The following CPNE4 variants were observed in gnomAD, a reference collection of about 807,000 sequenced individuals.
CPNE4 encodes the protein copine-4.
A neutral mutation model predicts 67.9 loss-of-function variants in CPNE4; 25 were observed. The observed-to-expected ratio is 0.37, with a 90% CI of 0.27 to 0.51. The LOEUF is 0.51. Ranked by LOEUF, CPNE4 falls within the 20% of genes least tolerant of loss-of-function variation. The pLI is 0.93. For missense variants in CPNE4, 464 were observed against 690.8 expected (o/e 0.67, Z 3.68); for synonymous variants, 242 against 244.9 (o/e 0.99, Z 0.11).
Position 131,555,733 on chromosome 3 carries a change from G to GA in CPNE4, c.1062-183dup, listed in dbSNP as rs575822238. ...CAATAGCATGGATAATTAAAATCAAGAAACAGCCCCTTAAGTTCATTACAG... is the reference window on the plus strand; with the variant it reads ...CAATAGCATGGATAATTAAAATCAAGAAAACAGCCCCTTAAGTTCATTACAG... On this transcript the variant is annotated intron_variant, in intron 11 of 15. Transcript: ENST00000429747. Among the ~76,000 whole-genome samples the GA allele has an allele frequency of 1.7e-4, 26 of 152,120 alleles. No homozygotes were observed. The East Asian group carries it at 4.9e-3, about 28-fold the overall frequency.
At chr3:131,807,467 G>A (rs2084361389) in intron 2 of CPNE4, among the ~76,000 whole-genome samples, 1 of 152,128 alleles carries the variant, frequency 6.6e-6, no homozygotes, top group Non-Finnish European at 1.5e-5. Context: ...GTGTATGCAT[G>A]AACTAGGGTC....
chr3:131,685,850 G>A, intron 6 of CPNE4, 25 bp downstream of exon 6: 1 of 1,469,640 alleles, frequency 6.8e-7, no homozygotes, highest in Non-Finnish European at 9.5e-7. Flanking sequence ...GGAGATAAGA[G>A]GGCATAGCTG....
At chr3:131,889,062 A>G (rs1056689834) in intron 2 of CPNE4, among the ~76,000 whole-genome samples, 1 of 152,188 alleles carries the variant, frequency 6.6e-6, no homozygotes, top group Non-Finnish European at 1.5e-5. Flanking sequence ...ATCTCCCTTT[A>G]ATATAAAAGT....
At chr3:131,658,223 T>A (rs1367189121) in intron 7 of CPNE4, among the ~76,000 whole-genome samples, 1 of 152,102 alleles carries the variant, frequency 6.6e-6, no homozygotes, top group Non-Finnish European at 1.5e-5. Flanking sequence ...TAAGTCTGAG[T>A]GATTGGACAA....
At chr3:131,689,699 C>T (rs549635951) in intron 5 of CPNE4, among the ~76,000 whole-genome samples, 1 of 152,126 alleles carries the variant, frequency 6.6e-6, no homozygotes, top group Non-Finnish European at 1.5e-5. Context: ...CAATATAGTA[C>T]TAAAAGTCCT....
chr3:131,553,318 G>A (rs143671064), intron 12 of CPNE4, among the ~76,000 whole-genome samples: 10 of 152,150 alleles, frequency 6.6e-5, no homozygotes, highest in African/African-American at 2.2e-4. Flanking sequence ...GGAGGTGATC[G>A]GTGATGCTCT....
At chr3:131,836,613 GA>G (rs1319624206) in intron 2 of CPNE4, among the ~76,000 whole-genome samples, 1 of 152,148 alleles carries the variant, frequency 6.6e-6, no homozygotes, top group East Asian at 1.9e-4. Context: ...GCAAGCAAAA[GA>G]AATATAGTTT....
At chr3:131,881,794 C>T (rs1271381137) in intron 2 of CPNE4, among the ~76,000 whole-genome samples, 1 of 152,136 alleles carries the variant, frequency 6.6e-6, no homozygotes, top group African/African-American at 2.4e-5. Context: ...TTTCCTTACT[C>T]CCCTTACGTA....
chr3:131,800,553 T>C (rs1399159627), intron 2 of CPNE4, among the ~76,000 whole-genome samples: 1 of 152,160 alleles, frequency 6.6e-6, no homozygotes, highest in Non-Finnish European at 1.5e-5. Context: ...ACTCTCTCAA[T>C]TCTGTTTAGT....
chr3:131,855,619 C>T (rs185808882), intron 2 of CPNE4, among the ~76,000 whole-genome samples: 1 of 152,034 alleles, frequency 6.6e-6, no homozygotes, highest in Non-Finnish European at 1.5e-5. Flanking sequence ...ACACTCATTC[C>T]TTGCACAGTT....
intron 7 of CPNE4, among the ~76,000 whole-genome samples, chr3:131,602,513 T>G (rs1939262044): frequency 6.6e-6 from 1 of 152,134 alleles, no homozygotes; most frequent in African/African-American, 2.4e-5. Flanking sequence ...CTAGGGGACA[T>G]TCCACAAGAA....
chr3:131,880,892 A>C (rs534727516), intron 2 of CPNE4, among the ~76,000 whole-genome samples: 10 of 152,310 alleles, frequency 6.6e-5, no homozygotes, highest in African/African-American at 2.2e-4. Flanking sequence ...AAGTTGGCCC[A>C]TTGTTAGGAA....
chr3:132,013,089 G>T (rs1482892704), intron 1 of CPNE4, among the ~76,000 whole-genome samples: 2 of 152,164 alleles, frequency 1.3e-5, no homozygotes, highest in African/African-American at 2.4e-5. Flanking sequence ...CAGGCATAGG[G>T]GTGGACGCCT....
rs149324302 is a variant in CPNE4, at chr3:131,841,027, C to T, written c.180+64237G>A. Among the ~76,000 whole-genome samples the T allele has an allele frequency of 2.5e-3, 377 of 152,196 alleles. 4 individuals are homozygous for T. Among genetic ancestry groups the T allele is most frequent in the East Asian group, 4.6e-3 (24 of 5,172 alleles). On this transcript the variant is annotated intron_variant, in intron 2 of 15. Transcript: ENST00000429747. ...TCTTAAGGGAGAGAAATGTTGTTTTCGTTCTTCAAATAAGTGTAGTCTATC... is the reference window on the plus strand; with the variant it reads ...TCTTAAGGGAGAGAAATGTTGTTTTTGTTCTTCAAATAAGTGTAGTCTATC...
At chr3:131,793,748 C>G (rs755763762) in intron 2 of CPNE4, among the ~76,000 whole-genome samples, 1 of 152,138 alleles carries the variant, frequency 6.6e-6, no homozygotes, top group African/African-American at 2.4e-5. Flanking sequence ...CCCAGGTCTC[C>G]GCTCAAATAT....
chr3:131,956,290 G>A (rs914414744), intron 1 of CPNE4, among the ~76,000 whole-genome samples: 1 of 151,684 alleles, frequency 6.6e-6, no homozygotes, highest in Non-Finnish European at 1.5e-5. Flanking sequence ...CCAGTTCATT[G>A]AGGCTTGATG....
rs543022943 is a variant in CPNE4, at chr3:131,688,314, C to G, written c.508-2356G>C. On this transcript the variant is annotated intron_variant, in intron 5 of 15. Transcript: ENST00000429747. Reference sequence around the variant, plus strand: ...GCCTTCAGAAGATTACCACAGCCTTCATCTTGTCAAGACCCCAAAATGGTG... The same window carrying G: ...GCCTTCAGAAGATTACCACAGCCTTGATCTTGTCAAGACCCCAAAATGGTG... 2.0e-5 allele frequency among the ~76,000 whole-genome samples: 3 copies of G among 152,272 alleles called. No homozygotes were observed. In the East Asian group the frequency reaches 5.8e-4, roughly 29 times the overall value.
intron 1 of CPNE4, among the ~76,000 whole-genome samples, chr3:131,989,294 T>A (rs1227606611): frequency 2.0e-5 from 3 of 152,242 alleles, no homozygotes; most frequent in Non-Finnish European, 4.4e-5. Flanking sequence ...AGTTTAGAGT[T>A]TACTGGAGTC....
upstream of CPNE4, chr3:132,035,171 G>T (rs1359571914): frequency 8.6e-6 from 4 of 464,126 alleles, no homozygotes; most frequent in East Asian, 1.5e-4. Context: ...GTCCTGCCGC[G>T]CCCGCAGTCT....
Sources: gnomAD v4.1 joint callset for allele counts (sites outside exome capture counted in the v4.1 genomes callset) on GRCh38, gnomAD v4.1.1 for gene constraint, MANE v1.5 for transcripts, NCBI Gene and HGNC (gene_info 2026-07-23, HGNC 2026-07-21) for gene names.